The following ERCC6L2 variants were observed in gnomAD, a reference collection of about 807,000 sequenced individuals.
The protein encoded by ERCC6L2 is DNA excision repair protein ERCC-6-like 2.
A neutral mutation model predicts 132.0 loss-of-function variants in ERCC6L2; 77 were observed. The observed-to-expected ratio is 0.58, with a 90% CI of 0.49 to 0.71. ERCC6L2 has a LOEUF of 0.71. ERCC6L2 is among the 30% of genes least tolerant of loss of function. The pLI is 0.00. For synonymous variants in ERCC6L2, 583 were observed against 632.4 expected (o/e 0.92, Z 1.17); for missense variants, 1,542 against 1,837.6 (o/e 0.84, Z 2.94).
At chr9:95,984,706 C>G (rs1011721035) in intron 17 of ERCC6L2, among the ~76,000 whole-genome samples, 2 of 152,004 alleles carry the variant, frequency 1.3e-5, no homozygotes, top group Non-Finnish European at 2.9e-5. Flanking sequence ...TCTTTGATAA[C>G]CTAAAATAAT....
intron 12 of ERCC6L2, among the ~76,000 whole-genome samples, chr9:95,952,013 C>A (rs1346339982): frequency 2.0e-5 from 3 of 151,354 alleles, no homozygotes; most frequent in African/African-American, 7.3e-5. Context: ...ACTAAAAATA[C>A]AAAAATTAGC....
rs182851096 is a variant in ERCC6L2, at chr9:96,015,611, C to T, written c.*2408C>T. Among the ~76,000 whole-genome samples, 1,006 of 148,826 alleles carry T rather than the reference C, an allele frequency of 6.8e-3. 7 individuals are homozygous for T. Among genetic ancestry groups the T allele is most frequent in the South Asian group, 0.015 (71 of 4,678 alleles). ...GAGATCGAGACTATCCTGGCTAACG[C>T]GGTGAAACCCCGTCTCTACTAAAAA... On this transcript the variant is annotated 3_prime_UTR_variant, in exon 19 of 19. Transcript: ENST00000653738.
At chr9:95,960,875 G>C (rs1831869472) in intron 13 of ERCC6L2, among the ~76,000 whole-genome samples, 1 of 151,624 alleles carries the variant, frequency 6.6e-6, no homozygotes, top group Admixed American at 6.6e-5. Context: ...TGTTAATTCA[G>C]AACTCTCCCA....
rs1346352273 is a variant in ERCC6L2, at chr9:95,907,186, G to A, written c.703G>A (p.Glu235Lys). ...TVLHGNRKDN[E>K]LIRVKQRKCE... The stretch of plus-strand genomic sequence containing the variant: ...TTTACATGGAAACAGAAAAGATAAT[G>A]AATTAATTCGTGTAAAGCAGAGGAA... The change falls in exon 4 of 19, where the codon GAA becomes AAA. Residue 235 changes from glutamate (E) to lysine (K), a missense_variant. By Grantham distance (56) the Glu-to-Lys change is moderately conservative. Coordinates refer to ENST00000653738, the MANE Select transcript of ERCC6L2 (RefSeq NM_020207.7). 1 of 1,613,464 alleles carries A rather than the reference G, an allele frequency of 6.2e-7. No individual in the cohort carries two copies. The highest frequency in any genetic ancestry group is 1.7e-5 in the Admixed American group (1 of 59,908).
intron 17 of ERCC6L2, among the ~76,000 whole-genome samples, chr9:96,002,536 C>A (rs559420614): frequency 6.6e-6 from 1 of 152,088 alleles, no homozygotes; most frequent in Non-Finnish European, 1.5e-5. Context: ...ATCCTCCCAC[C>A]TCAGCCTCCA....
intron 3 of ERCC6L2, among the ~76,000 whole-genome samples, chr9:95,902,675 T>C (rs1321272671): frequency 6.6e-6 from 1 of 152,160 alleles, no homozygotes; most frequent in East Asian, 1.9e-4. Flanking sequence ...GAGTGATGTA[T>C]AAGAATGTCT....
intron 3 of ERCC6L2, among the ~76,000 whole-genome samples, chr9:95,900,753 T>A (rs1828731888): frequency 6.6e-6 from 1 of 152,214 alleles, no homozygotes. Flanking sequence ...CATGGTCACA[T>A]GGTTTTATAT....
At position 95,919,998 on chromosome 9, in the gene ERCC6L2, G is replaced by C. The variant is rs1191286924; in HGVS notation, c.1159-1177G>C. ...ATTGACATTAAATAATGTGGCAGAG[G>C]GATTCTGATTATTTGAGACTGCTTT... On this transcript the variant is annotated intron_variant, in intron 6 of 18. Coordinates refer to ENST00000653738, the MANE Select transcript of ERCC6L2 (RefSeq NM_020207.7). 2.0e-5 allele frequency among the ~76,000 whole-genome samples: 3 copies of C among 152,146 alleles called. No homozygotes were observed. In the East Asian group the frequency reaches 5.8e-4, roughly 29 times the overall value.
intron 7 of ERCC6L2, 53 bp downstream of exon 7, chr9:95,921,368 C>T: frequency 1.4e-6 from 2 of 1,418,934 alleles, no homozygotes; most frequent in Non-Finnish European, 1.9e-6. Context: ...ATAGTACTCT[C>T]TTCTAGTGTA....
chr9:96,005,448 G>A (rs77697991), intron 18 of ERCC6L2, among the ~76,000 whole-genome samples: 1,801 of 152,084 alleles, frequency 0.012, 25 homozygotes, highest in Non-Finnish European at 0.016. Flanking sequence ...AGAATAATAG[G>A]ATGGGGAGGG....
chr9:95,973,485 C>T (rs1832523695), intron 16 of ERCC6L2, among the ~76,000 whole-genome samples: 1 of 152,142 alleles, frequency 6.6e-6, no homozygotes, highest in Admixed American at 6.6e-5. Flanking sequence ...AATGGATTCA[C>T]AGTTCCACAT....
intron 17 of ERCC6L2, among the ~76,000 whole-genome samples, chr9:95,997,252 G>T (rs1043059750): frequency 6.6e-6 from 1 of 152,180 alleles, no homozygotes; most frequent in Non-Finnish European, 1.5e-5. Context: ...ACAGAAGTTT[G>T]GAAGAAGTTG....
chr9:95,878,503 C>G (rs1827410149), intron 1 of ERCC6L2, among the ~76,000 whole-genome samples: 1 of 147,210 alleles, frequency 6.8e-6, no homozygotes, highest in Non-Finnish European at 1.5e-5. Flanking sequence ...TTTTTAAATG[C>G]CAGCTTTTTT....
chr9:95,951,481 GA>G (rs1418232034), intron 12 of ERCC6L2, among the ~76,000 whole-genome samples: 1 of 151,756 alleles, frequency 6.6e-6, no homozygotes, highest in African/African-American at 2.4e-5. Context: ...ACAAAGAATA[GA>G]AAAACGACAG....
chr9:95,983,564 G>A (rs1392486926), intron 17 of ERCC6L2, among the ~76,000 whole-genome samples: 6 of 152,262 alleles, frequency 3.9e-5, no homozygotes, highest in East Asian at 3.9e-4. Flanking sequence ...AGAATGTTAC[G>A]CACTTAACAG....
At chr9:95,979,260 G>A (rs1179267914) in intron 17 of ERCC6L2, among the ~76,000 whole-genome samples, 3 of 152,168 alleles carry the variant, frequency 2.0e-5, no homozygotes, top group Non-Finnish European at 4.4e-5. Context: ...ATGACTGAAT[G>A]CCTAGCTGGC....
intron 2 of ERCC6L2, among the ~76,000 whole-genome samples, chr9:95,891,863 A>G (rs1018298738): frequency 1.3e-5 from 2 of 152,008 alleles, no homozygotes; most frequent in Non-Finnish European, 2.9e-5. Context: ...AGAAATATAT[A>G]TTTAAGTCTT....
intron 3 of ERCC6L2, among the ~76,000 whole-genome samples, chr9:95,899,276 C>A (rs962948126): frequency 6.6e-6 from 1 of 151,974 alleles, no homozygotes; most frequent in African/African-American, 2.4e-5. Flanking sequence ...ATGTCAAAAC[C>A]TCTTCCCTAC....
At chr9:96,037,537 C>A (rs1044576466) in intron 19 of ERCC6L2, among the ~76,000 whole-genome samples, 1 of 152,142 alleles carries the variant, frequency 6.6e-6, no homozygotes, top group African/African-American at 2.4e-5. Flanking sequence ...GAGGTTCTGG[C>A]CTGAGTAACC....
Sources: allele counts gnomAD v4.1 joint callset (sites outside exome capture counted in the v4.1 genomes callset), GRCh38; gene constraint gnomAD v4.1.1; transcripts MANE v1.5; gene names NCBI Gene and HGNC (gene_info 2026-07-23, HGNC 2026-07-21).